HSD17B3: variants seen among roughly 807,000 people sequenced by gnomAD.
HSD17B3 encodes hydroxysteroid 17-beta dehydrogenase 3, also known as 17-beta-hydroxysteroid dehydrogenase type 3.
In HSD17B3, 29 loss-of-function variants were observed where a neutral mutation model predicts 41.1. The ratio of observed to expected loss-of-function variants is 0.71; its 90% CI spans 0.53 to 0.96. HSD17B3 has a LOEUF of 0.96. Among genes scored for constraint, HSD17B3 ranks in the 40% least tolerant of loss-of-function variants. The pLI is 0.00. For missense variants in HSD17B3, 323 were observed against 374.6 expected (o/e 0.86, Z 1.14); for synonymous variants, 126 against 145.6 (o/e 0.87, Z 0.97).
Position 96,252,805 on chromosome 9 carries a change from A to G in HSD17B3, c.383T>C (p.Leu128Ser), listed in dbSNP as rs767765046. The change falls in exon 4 of 11, where the codon TTA becomes TCA. Residue 128 changes from leucine (L) to serine (S), a missense_variant and splice_region_variant. Coordinates refer to ENST00000375263, the MANE Select transcript of HSD17B3 (RefSeq NM_000197.2). Reference sequence around the variant, plus strand: ...TTTGCATCTTGCAATTTACTCACCTAAAATTCCAATTTCTAAGCCTGCAAG... The same window carrying G: ...TTTGCATCTTGCAATTTACTCACCTGAAATTCCAATTTCTAAGCCTGCAAG... ...EKLAGLEIGILVNNVGMLPNL... is the reference protein window; with the variant it reads ...EKLAGLEIGISVNNVGMLPNL... The G allele has an allele frequency of 3.8e-6, 6 of 1,574,894 alleles. No individual in the cohort carries two copies. In the South Asian group the frequency reaches 6.6e-5, roughly 17 times the overall value.
At chr9:96,235,663 A>C (rs1426109551) in intron 10 of HSD17B3, 93 bp from the exon 11 acceptor site, 19 of 987,780 alleles carry the variant, frequency 1.9e-5, no homozygotes, top group East Asian at 2.6e-5. Context: ...TTTTCTGACT[A>C]CTAAAGTGGA....
At chr9:96,244,437 C>G in intron 8 of HSD17B3, 43 bp from the exon 9 acceptor site, 1 of 1,600,720 alleles carries the variant, frequency 6.2e-7, no homozygotes, top group Non-Finnish European at 8.6e-7. Context: ...AGAGTGAGCT[C>G]CCTCGTCAGA....
intron 2 of HSD17B3, among the ~76,000 whole-genome samples, chr9:96,269,749 C>G (rs280656): frequency 0.39 from 59,381 of 151,406 alleles, 12,066 homozygotes; most frequent in African/African-American, 0.48. Context: ...AGTAAAAATA[C>G]AAAAATTAGC....
chr9:96,247,563 A>C (rs1203537432), intron 6 of HSD17B3, among the ~76,000 whole-genome samples: 1 of 152,224 alleles, frequency 6.6e-6, no homozygotes, highest in Non-Finnish European at 1.5e-5. Context: ...GGGGCTCTCT[A>C]GAACCACTGG....
At chr9:96,297,477 G>T (rs965766279) in intron 2 of HSD17B3, among the ~76,000 whole-genome samples, 1 of 150,998 alleles carries the variant, frequency 6.6e-6, no homozygotes. Context: ...CTCCCAAGTA[G>T]CTGGGATTAC....
At chr9:96,245,542 G>T in intron 7 of HSD17B3, 116 bp from the exon 8 acceptor site, 4 of 758,726 alleles carry the variant, frequency 5.3e-6, no homozygotes, top group Non-Finnish European at 7.0e-6. Flanking sequence ...CTAGGCTTCC[G>T]CAAGTGCTAG....
At chr9:96,297,951 T>G in intron 2 of HSD17B3, among the ~76,000 whole-genome samples, 1 of 152,214 alleles carries the variant, frequency 6.6e-6, no homozygotes, top group Non-Finnish European at 1.5e-5. Context: ...TGACTCTCAG[T>G]TCTATTAGAC....
At chr9:96,237,225 A>C (rs1024536570) in intron 10 of HSD17B3, among the ~76,000 whole-genome samples, 2 of 152,200 alleles carry the variant, frequency 1.3e-5, no homozygotes, top group Non-Finnish European at 2.9e-5. Flanking sequence ...TTACAATTCC[A>C]GCCCCCTTTA....
At chr9:96,261,039 T>C (rs1255503562) in intron 2 of HSD17B3, among the ~76,000 whole-genome samples, 1 of 152,182 alleles carries the variant, frequency 6.6e-6, no homozygotes, top group Non-Finnish European at 1.5e-5. Flanking sequence ...TCATATAGGA[T>C]AGGTAATGCT....
At chr9:96,300,099 C>T (rs1193535537) in intron 1 of HSD17B3, among the ~76,000 whole-genome samples, 2 of 151,438 alleles carry the variant, frequency 1.3e-5, no homozygotes, top group Admixed American at 6.6e-5. Context: ...TCCACCCACA[C>T]GTGGGCATCT....
At chr9:96,250,110 A>G (rs1215427092) in intron 5 of HSD17B3, 60 of 1,325,420 alleles carry the variant, frequency 4.5e-5, no homozygotes, top group Non-Finnish European at 5.5e-5. Context: ...AGCTGGAGGA[A>G]GAGGGGTTAG....
At chr9:96,240,212 A>G (rs1488196768) in intron 10 of HSD17B3, among the ~76,000 whole-genome samples, 2 of 152,200 alleles carry the variant, frequency 1.3e-5, no homozygotes, top group African/African-American at 4.8e-5. Flanking sequence ...CACGTTTTGC[A>G]CATGCATCCT....
At chr9:96,262,794 C>A (rs1825911065) in intron 2 of HSD17B3, among the ~76,000 whole-genome samples, 1 of 151,944 alleles carries the variant, frequency 6.6e-6, no homozygotes, top group African/African-American at 2.4e-5. Context: ...GCTTCCATTC[C>A]TTTTCTTTTG....
At chr9:96,299,662 A>G (rs1480974222) in intron 1 of HSD17B3, among the ~76,000 whole-genome samples, 2 of 152,198 alleles carry the variant, frequency 1.3e-5, no homozygotes, top group African/African-American at 2.4e-5. Flanking sequence ...AGCCAAGGGG[A>G]AAAAGTTCGT....
chr9:96,282,072 T>C (rs1264082983), intron 2 of HSD17B3, among the ~76,000 whole-genome samples: 2 of 152,214 alleles, frequency 1.3e-5, no homozygotes, highest in Non-Finnish European at 2.9e-5. Context: ...AACATGGGCA[T>C]AGGACACCTG....
Position 96,260,641 on chromosome 9 carries a change from A to G in HSD17B3, c.202-5698T>C, listed in dbSNP as rs1367349041. ...TAGCTGGGCATGGTGGCATATGCCT[A>G]TAAGTCTCAGCTACTCAGGAGGCTG... On this transcript the variant is annotated intron_variant, in intron 2 of 10. Transcript: ENST00000375263. Among the ~76,000 whole-genome samples the G allele has an allele frequency of 5.9e-5, 9 of 152,290 alleles. No individual in the cohort carries two copies. The East Asian group carries it at 7.7e-4, about 13-fold the overall frequency.
At chr9:96,282,992 CTTTTT>C (rs58397134) in intron 2 of HSD17B3, among the ~76,000 whole-genome samples, 3 of 71,700 alleles carry the variant, frequency 4.2e-5, no homozygotes, top group African/African-American at 6.6e-5. Flanking sequence ...AGGTTTCTTT[CTTTTT>C]TTTTTTTTTT....
chr9:96,255,690 A>G (rs1825624398), intron 2 of HSD17B3, among the ~76,000 whole-genome samples: 1 of 152,058 alleles, frequency 6.6e-6, no homozygotes, highest in Admixed American at 6.6e-5. Context: ...ATGCCCGGCC[A>G]TCTGCCCCGA....
At chr9:96,247,519 T>TGGGGGGCC (rs1554693799) in intron 6 of HSD17B3, among the ~76,000 whole-genome samples, 1 of 152,074 alleles carries the variant, frequency 6.6e-6, no homozygotes, top group Admixed American at 6.5e-5. Flanking sequence ...TCTTCGCTGC[T>TGGGGGGCC]GGGGGGCCAG....
Sources: gnomAD v4.1 joint callset for allele counts (sites outside exome capture counted in the v4.1 genomes callset) on GRCh38, gnomAD v4.1.1 for gene constraint, MANE v1.5 for transcripts, NCBI Gene and HGNC (gene_info 2026-07-23, HGNC 2026-07-21) for gene names.